The following FAM135B variants were observed in gnomAD, a reference collection of about 807,000 sequenced individuals.
FAM135B encodes family with sequence similarity 135 member B.
Under a neutral mutation model 127.7 loss-of-function variants are expected in FAM135B, and 43 were observed. The observed-to-expected ratio is 0.34, with a 90% confidence interval of 0.26 to 0.43. The LOEUF (loss-of-function observed/expected upper bound fraction) is 0.43, where lower values mean the gene tolerates loss of function less well. Among genes scored for constraint, FAM135B ranks in the 20% least tolerant of loss-of-function variants. The pLI is 1.00. For missense variants in FAM135B, 1,558 were observed against 1,725.6 expected (o/e 0.90, Z 1.72); for synonymous variants, 670 against 665.1 (o/e 1.01, Z -0.11).
chr8:138,490,491 G>C (rs565818223), intron 1 of FAM135B, among the ~76,000 whole-genome samples: 1 of 152,286 alleles, frequency 6.6e-6, no homozygotes, highest in South Asian at 2.1e-4. Context: ...GCCATGCTCA[G>C]ACAGACAGAC....
chr8:138,404,733 T>C (rs1441584450), intron 1 of FAM135B, among the ~76,000 whole-genome samples: 1 of 152,146 alleles, frequency 6.6e-6, no homozygotes. Context: ...CAACTTCTCA[T>C]CCATCAAAGT....
intron 1 of FAM135B, among the ~76,000 whole-genome samples, chr8:138,371,048 T>C (rs1831081111): frequency 6.6e-6 from 1 of 152,174 alleles, no homozygotes; most frequent in Admixed American, 6.5e-5. Flanking sequence ...CCAGGGAATT[T>C]AGGTGCAAAC....
At chr8:138,240,533 C>A (rs544258295) in intron 7 of FAM135B, among the ~76,000 whole-genome samples, 1 of 152,286 alleles carries the variant, frequency 6.6e-6, no homozygotes, top group East Asian at 1.9e-4. Context: ...ATGATTCACA[C>A]ATTTGTATCA....
chr8:138,329,653 T>C (rs1197107388), intron 2 of FAM135B, among the ~76,000 whole-genome samples: 1 of 152,036 alleles, frequency 6.6e-6, no homozygotes, highest in Non-Finnish European at 1.5e-5. Flanking sequence ...GAGGAGCAGG[T>C]AGAGTGAGGA....
At chr8:138,408,149 A>G (rs956662283) in intron 1 of FAM135B, among the ~76,000 whole-genome samples, 1 of 152,232 alleles carries the variant, frequency 6.6e-6, no homozygotes. Context: ...AGCCCCTAAC[A>G]AAAGACGTCA....
At chr8:138,347,106 A>AGAATGAATGAAT (rs143057372) in intron 2 of FAM135B, among the ~76,000 whole-genome samples, 24 of 151,188 alleles carry the variant, frequency 1.6e-4, no homozygotes, top group African/African-American at 5.4e-4. Flanking sequence ...AACAAAAGGA[A>AGAATGAATGAAT]GAATGAATGA....
At chr8:138,489,402 G>C (rs145691913) in intron 1 of FAM135B, among the ~76,000 whole-genome samples, 2 of 152,172 alleles carry the variant, frequency 1.3e-5, no homozygotes, top group Non-Finnish European at 2.9e-5. Flanking sequence ...TCCTGTCTCC[G>C]TCTCTATTAC....
At chr8:138,307,732 T>TAAA (rs60272179) in intron 3 of FAM135B, among the ~76,000 whole-genome samples, 6 of 131,666 alleles carry the variant, frequency 4.6e-5, no homozygotes, top group African/African-American at 1.7e-4. Context: ...CCCATTGTGG[T>TAAA]AAAAAAAAAA....
At chr8:138,273,018 G>A (rs943886543) in intron 3 of FAM135B, among the ~76,000 whole-genome samples, 2 of 152,132 alleles carry the variant, frequency 1.3e-5, no homozygotes, top group Non-Finnish European at 2.9e-5. Flanking sequence ...TTTACGAGAT[G>A]ACCTATGAAA....
intron 9 of FAM135B, among the ~76,000 whole-genome samples, chr8:138,192,360 C>A (rs1816206620): frequency 6.6e-6 from 1 of 152,190 alleles, no homozygotes; most frequent in African/African-American, 2.4e-5. Flanking sequence ...AGCGCTTTCC[C>A]AACACAAACC....
chr8:138,298,279 T>C (rs1825617936), intron 3 of FAM135B, among the ~76,000 whole-genome samples: 1 of 152,108 alleles, frequency 6.6e-6, no homozygotes, highest in Non-Finnish European at 1.5e-5. Context: ...AGCCCATATA[T>C]AATAAATTAA....
chr8:138,220,963 A>G (rs763942206), intron 7 of FAM135B, among the ~76,000 whole-genome samples: 3 of 152,236 alleles, frequency 2.0e-5, no homozygotes, highest in Non-Finnish European at 4.4e-5. Flanking sequence ...CAGGCTTTGG[A>G]TATCAGGCTG....
intron 1 of FAM135B, among the ~76,000 whole-genome samples, chr8:138,482,641 C>T (rs1051933039): frequency 6.6e-6 from 1 of 152,038 alleles, no homozygotes; most frequent in Non-Finnish European, 1.5e-5. Flanking sequence ...AAATGTTTTT[C>T]ATATGTTAAC....
chr8:138,189,242 C>T (rs1815883571), intron 9 of FAM135B, among the ~76,000 whole-genome samples: 2 of 152,174 alleles, frequency 1.3e-5, no homozygotes, highest in African/African-American at 4.8e-5. Flanking sequence ...GATGGCCAAA[C>T]CCTGAGGGAA....
intron 1 of FAM135B, among the ~76,000 whole-genome samples, chr8:138,436,654 AT>A (rs1158458917): frequency 6.6e-6 from 1 of 152,200 alleles, no homozygotes; most frequent in Non-Finnish European, 1.5e-5. Flanking sequence ...ATAGGTGGGC[AT>A]ATTTGATTCT....
intron 2 of FAM135B, among the ~76,000 whole-genome samples, chr8:138,346,803 C>A (rs974696476): frequency 2.6e-5 from 4 of 151,520 alleles, no homozygotes; most frequent in Admixed American, 2.0e-4. Context: ...TCACACCCTG[C>A]ACATGTACCC....
At chr8:138,289,640 A>G (rs974574375) in intron 3 of FAM135B, among the ~76,000 whole-genome samples, 3 of 152,174 alleles carry the variant, frequency 2.0e-5, no homozygotes, top group African/African-American at 7.2e-5. Flanking sequence ...ACCTCTCTTT[A>G]TAGACCTACT....
At position 138,381,539 on chromosome 8, in the gene FAM135B, A is replaced by G. The variant is rs139438798; in HGVS notation, c.-19-13537T>C. Among the ~76,000 whole-genome samples the G allele has an allele frequency of 2.0e-5, 3 of 152,340 alleles. No individual in the cohort carries two copies. In the East Asian group the frequency reaches 5.8e-4, roughly 29 times the overall value. On this transcript the variant is annotated intron_variant, in intron 1 of 19. Transcript: ENST00000395297. ...CTGTGAGCTCCATAAATTGAAGGAC[A>G]GCCATGGAGTCTAGCAAGAAACATG...
rs143633062 is a variant in FAM135B at position 138,328,833 on chromosome 8, G to A, written c.78-17913C>T. Among the ~76,000 whole-genome samples, 607 of 152,268 alleles carry A rather than the reference G, an allele frequency of 4.0e-3. 7 individuals carry two copies. The highest frequency in any genetic ancestry group is 6.8e-3 in the Non-Finnish European group (461 of 68,024). On this transcript the variant is annotated intron_variant, in intron 2 of 19. Transcript: ENST00000395297. ...AGATCCAATTCATAAGGTTGAGTGA[G>A]GGAGACATACAAAAGTTTGCCACAG...
Sources: allele counts gnomAD v4.1 joint callset (sites outside exome capture counted in the v4.1 genomes callset), GRCh38; gene constraint gnomAD v4.1.1; transcripts MANE v1.5; gene names NCBI Gene and HGNC (gene_info 2026-07-23, HGNC 2026-07-21).